The following CSMD1 variants were observed in gnomAD, a reference collection of about 807,000 sequenced individuals.
The protein encoded by CSMD1 is CUB and sushi domain-containing protein 1.
A neutral mutation model predicts 417.5 loss-of-function variants in CSMD1; 213 were observed. The observed-to-expected ratio is 0.51, with a 90% confidence interval of 0.46 to 0.57. The LOEUF is 0.57. Among genes scored for constraint, CSMD1 ranks in the 20% least tolerant of loss-of-function variants. The probability of loss-of-function intolerance (pLI) is 0.00; values close to 1 mark genes in which losing one functional copy is unlikely to be tolerated. For missense variants in CSMD1, 6,923 were observed against 4,529.7 expected, an observed-to-expected ratio of 1.53 and a Z score of -15.17; for synonymous variants, 2,862 against 1,736.8, an observed-to-expected ratio of 1.65 and a Z score of -16.11.
At chr8:4,985,408 G>T (rs1263489988) in intron 1 of CSMD1, among the ~76,000 whole-genome samples, 1 of 152,094 alleles carries the variant, frequency 6.6e-6, no homozygotes, top group Non-Finnish European at 1.5e-5. Context: ...AGGTGAATAG[G>T]AAGGGCCCAT....
At chr8:4,109,065 G>C (rs1013529422) in intron 3 of CSMD1, among the ~76,000 whole-genome samples, 4 of 152,114 alleles carry the variant, frequency 2.6e-5, no homozygotes, top group Admixed American at 6.5e-5. Flanking sequence ...AAATGGCATA[G>C]TATTTGCATA....
intron 3 of CSMD1, among the ~76,000 whole-genome samples, chr8:4,206,018 C>T (rs1211591581): frequency 3.3e-5 from 5 of 152,122 alleles, no homozygotes; most frequent in African/African-American, 4.8e-5. Context: ...TCAGAAACTA[C>T]ATAGTTCCTC....
At chr8:4,849,031 C>T (rs1801312517) in intron 1 of CSMD1, among the ~76,000 whole-genome samples, 1 of 150,626 alleles carries the variant, frequency 6.6e-6, no homozygotes, top group Non-Finnish European at 1.5e-5. Context: ...GAGATGACAG[C>T]TCTACACCTG....
chr8:3,689,585 A>G (rs915659776), intron 7 of CSMD1, among the ~76,000 whole-genome samples: 1 of 152,182 alleles, frequency 6.6e-6, no homozygotes, highest in Non-Finnish European at 1.5e-5. Flanking sequence ...AGGACAGTTC[A>G]GTTCACTCTT....
At chr8:4,068,431 A>G (rs7834943) in intron 3 of CSMD1, among the ~76,000 whole-genome samples, 46,181 of 152,058 alleles carry the variant, frequency 0.3, 7,412 homozygotes, top group African/African-American at 0.4. Flanking sequence ...ACGGTTACAG[A>G]AAATTAAATG....
chr8:4,037,681 G>C (rs1465862280), intron 3 of CSMD1, among the ~76,000 whole-genome samples: 2 of 152,066 alleles, frequency 1.3e-5, no homozygotes, highest in African/African-American at 2.4e-5. Flanking sequence ...GATTTTAAAG[G>C]GGAAGGTGTG....
chr8:4,318,673 C>G (rs989292129), intron 3 of CSMD1, among the ~76,000 whole-genome samples: 8 of 149,068 alleles, frequency 5.4e-5, no homozygotes, highest in African/African-American at 2.0e-4. Context: ...TTTGATATCA[C>G]TGATTTTTAA....
intron 3 of CSMD1, among the ~76,000 whole-genome samples, chr8:4,141,686 A>G (rs1563178062): frequency 6.6e-6 from 1 of 151,190 alleles, no homozygotes; most frequent in Non-Finnish European, 1.5e-5. Flanking sequence ...GAAATTGCTT[A>G]AATTTTGGAG....
At chr8:4,883,418 C>T (rs1288456218) in intron 1 of CSMD1, among the ~76,000 whole-genome samples, 1 of 151,902 alleles carries the variant, frequency 6.6e-6, no homozygotes, top group African/African-American at 2.4e-5. Flanking sequence ...AAGATCATCA[C>T]CACTCTCTCA....
chr8:4,027,880 C>G (rs1417454056), intron 4 of CSMD1, among the ~76,000 whole-genome samples: 1 of 152,060 alleles, frequency 6.6e-6, no homozygotes, highest in Non-Finnish European at 1.5e-5. Flanking sequence ...AGAACAAAGA[C>G]ACAGTAACTT....
rs150386517 is a variant in CSMD1, at chr8:4,901,319, G to C, written c.85+93013C>G. Among the ~76,000 whole-genome samples, 813 of 152,210 alleles carry C rather than the reference G, an allele frequency of 5.3e-3. 3 individuals carry two copies. The highest frequency in any genetic ancestry group is 7.9e-3 in the Non-Finnish European group (538 of 68,004). ...ATTTTTTATTCCGCTTGTGTCATCT[G>C]AACACAAAATTTCAGGTATAATGGT... On this transcript the variant is annotated intron_variant, in intron 1 of 69. Coordinates refer to ENST00000635120, the MANE Select transcript of CSMD1 (RefSeq NM_033225.6).
intron 3 of CSMD1, among the ~76,000 whole-genome samples, chr8:4,064,910 T>C (rs930195513): frequency 1.3e-5 from 2 of 148,628 alleles, no homozygotes; most frequent in Non-Finnish European, 3.0e-5. Context: ...TCAATTCCAT[T>C]GAGAATAGGA....
At position 3,790,075 on chromosome 8, in the gene CSMD1, A is replaced by T. The variant is rs540769358; in HGVS notation, c.819-36033T>A. On this transcript the variant is annotated intron_variant, in intron 5 of 69. Transcript: ENST00000635120. ...GTAAGAAATTAGAGAATGTCAATGA[A>T]GGTCCATTATATGTCTATTAAATGA... Among the ~76,000 whole-genome samples, 90 of 152,182 alleles carry T rather than the reference A, an allele frequency of 5.9e-4. 2 individuals are homozygous for T. Among genetic ancestry groups the T allele is most frequent in the Admixed American group, 6.5e-4 (10 of 15,274 alleles).
At chr8:3,405,940 G>A (rs1812318339) in intron 15 of CSMD1, 87 bp downstream of exon 15, 46 of 1,296,840 alleles carry the variant, frequency 3.5e-5, no homozygotes, top group Non-Finnish European at 4.6e-5. Context: ...GCCCTAGCAA[G>A]CTAACACAGT....
intron 1 of CSMD1, among the ~76,000 whole-genome samples, chr8:4,821,020 G>T (rs761262045): frequency 6.6e-6 from 1 of 152,004 alleles, no homozygotes; most frequent in Non-Finnish European, 1.5e-5. Context: ...GTCTCAGATC[G>T]CACGGCTTAG....
chr8:4,927,650 T>C (rs761614063), intron 1 of CSMD1, among the ~76,000 whole-genome samples: 4 of 152,200 alleles, frequency 2.6e-5, no homozygotes, highest in Non-Finnish European at 4.4e-5. Context: ...TACATTGGTA[T>C]AATTACTCAG....
chr8:3,800,239 C>G (rs145250591), intron 5 of CSMD1, among the ~76,000 whole-genome samples: 334 of 152,160 alleles, frequency 2.2e-3, no homozygotes, highest in African/African-American at 7.7e-3. Context: ...ATACAGTCAT[C>G]CTTTATTGGA....
chr8:3,031,175 G>C (rs1452668461), intron 50 of CSMD1, among the ~76,000 whole-genome samples: 1 of 151,850 alleles, frequency 6.6e-6, no homozygotes, highest in Non-Finnish European at 1.5e-5. Context: ...AACTCAACTT[G>C]AATCTGACTG....
intron 3 of CSMD1, among the ~76,000 whole-genome samples, chr8:4,258,084 C>T (rs1563347492): frequency 6.6e-6 from 1 of 151,700 alleles, no homozygotes; most frequent in South Asian, 2.1e-4. Flanking sequence ...ACTGGGACTA[C>T]AGGCCCGTGC....
Sources: gnomAD v4.1 joint callset for allele counts (sites outside exome capture counted in the v4.1 genomes callset) on GRCh38, gnomAD v4.1.1 for gene constraint, MANE v1.5 for transcripts, NCBI Gene and HGNC (gene_info 2026-07-23, HGNC 2026-07-21) for gene names.